Variants in EPHA6 observed in about 807,000 individuals in gnomAD.
EPHA6 encodes the protein ephrin type-A receptor 6.
A neutral mutation model predicts 112.0 loss-of-function variants in EPHA6; 50 were observed. The observed-to-expected ratio is 0.45, with a 90% confidence interval of 0.36 to 0.56. EPHA6 has a LOEUF of 0.56. EPHA6 is among the 20% of genes least tolerant of loss of function. The probability of loss-of-function intolerance (pLI) is 0.00; values close to 1 mark genes in which losing one functional copy is unlikely to be tolerated. For synonymous variants in EPHA6, 529 were observed against 490.7 expected (o/e 1.08, Z -1.03); for missense variants, 1,280 against 1,417.4 (o/e 0.90, Z 1.56).
chr3:96,975,385 T>C (rs1329994708), intron 2 of EPHA6, among the ~76,000 whole-genome samples: 3 of 152,134 alleles, frequency 2.0e-5, no homozygotes, highest in African/African-American at 2.4e-5. Flanking sequence ...GGTCTTAACG[T>C]CATAGAATAC....
intron 6 of EPHA6, among the ~76,000 whole-genome samples, chr3:97,437,949 ATTG>A (rs1260935271): frequency 2.6e-5 from 4 of 152,030 alleles, no homozygotes; most frequent in Non-Finnish European, 5.9e-5. Flanking sequence ...CTATCCGTAT[ATTG>A]TTATTACCAA....
At chr3:96,962,941 C>T (rs965999901) in intron 2 of EPHA6, among the ~76,000 whole-genome samples, 12 of 151,980 alleles carry the variant, frequency 7.9e-5, no homozygotes, top group African/African-American at 2.4e-4. Context: ...ATCGCTTGAG[C>T]CCAGGAGTTT....
chr3:97,170,729 G>A (rs1378389614), intron 3 of EPHA6, among the ~76,000 whole-genome samples: 3 of 148,920 alleles, frequency 2.0e-5, no homozygotes, highest in South Asian at 2.1e-4. Context: ...AGAGCGAGCC[G>A]ATGTCTCAAA....
intron 2 of EPHA6, among the ~76,000 whole-genome samples, chr3:96,914,089 A>T (rs2039369109): frequency 6.6e-6 from 1 of 152,148 alleles, no homozygotes; most frequent in Non-Finnish European, 1.5e-5. Flanking sequence ...GATCTCTTGT[A>T]CTCCAGAAGC....
chr3:97,426,422 C>G (rs1231065266), intron 6 of EPHA6, among the ~76,000 whole-genome samples: 1 of 152,160 alleles, frequency 6.6e-6, no homozygotes, highest in Non-Finnish European at 1.5e-5. Context: ...GAACCACCCC[C>G]ATAATTCAAT....
At chr3:97,046,397 G>T (rs549687196) in intron 3 of EPHA6, among the ~76,000 whole-genome samples, 2 of 152,152 alleles carry the variant, frequency 1.3e-5, no homozygotes, top group East Asian at 3.9e-4. Context: ...TGTTGGCAAA[G>T]TAAAAATAGA....
Position 96,975,072 on chromosome 3 carries a change from C to T in EPHA6, c.451-12258C>T, listed in dbSNP as rs571216768. 3.9e-5 allele frequency among the ~76,000 whole-genome samples: 6 copies of T among 152,018 alleles called. No homozygotes were observed. In the East Asian group the frequency reaches 9.7e-4, roughly 25 times the overall value. The stretch of plus-strand genomic sequence containing the variant: ...TAGGGTTTCTGAGGGAAAGACAGGG[C>T]GGAGCAAAGCAAACACTTTGGTGTT... On this transcript the variant is annotated intron_variant, in intron 2 of 17. Transcript: ENST00000389672.
chr3:97,416,067 T>C (rs1161436900), intron 6 of EPHA6, among the ~76,000 whole-genome samples: 1 of 152,038 alleles, frequency 6.6e-6, no homozygotes, highest in African/African-American at 2.4e-5. Flanking sequence ...CATATAAAAA[T>C]CTAAAACACC....
chr3:97,579,160 A>G (rs1044304697), intron 11 of EPHA6, among the ~76,000 whole-genome samples: 1 of 152,216 alleles, frequency 6.6e-6, no homozygotes, highest in Admixed American at 6.5e-5. Flanking sequence ...GATTATAATT[A>G]AGCAATAATA....
intron 11 of EPHA6, among the ~76,000 whole-genome samples, chr3:97,539,257 C>T (rs1469821633): frequency 6.6e-6 from 1 of 151,420 alleles, no homozygotes; most frequent in Non-Finnish European, 1.5e-5. Context: ...AAGCAATTCT[C>T]CTGCGGCAGC....
In EPHA6 at chr3:97,749,354, T is replaced by C. The variant is rs2035838402; in HGVS notation, c.*653T>C. The C allele has an allele frequency of 4.8e-6, 1 of 208,546 alleles. No individual in the cohort carries two copies. Among genetic ancestry groups the C allele is most frequent in the South Asian group, 1.9e-4 (1 of 5,328 alleles). 12.9% of individuals were successfully genotyped at this position (208,546 alleles called of 1,614,324 possible). A position where few individuals can be genotyped will look rare whatever the true frequency, so the allele number is the denominator to read the frequency against. On this transcript the variant is annotated 3_prime_UTR_variant, in exon 18 of 18. Coordinates refer to ENST00000389672, the MANE Select transcript of EPHA6 (RefSeq NM_001080448.3). Reference sequence around the variant, plus strand: ...TATAAATCTTCTGAGGCTGGGTTTGTCAATTTTTTAAAAATTAACTTTATA... The same window carrying C: ...TATAAATCTTCTGAGGCTGGGTTTGCCAATTTTTTAAAAATTAACTTTATA...
chr3:97,514,774 C>A (rs1484279692), intron 10 of EPHA6, among the ~76,000 whole-genome samples: 1 of 152,132 alleles, frequency 6.6e-6, no homozygotes, highest in Non-Finnish European at 1.5e-5. Flanking sequence ...CCCTCTCTCT[C>A]CACACTCATG....
chr3:97,327,979 G>A (rs1559887811), intron 5 of EPHA6, among the ~76,000 whole-genome samples: 10 of 130,748 alleles, frequency 7.6e-5, no homozygotes, highest in African/African-American at 2.2e-4. Context: ...ATGTATATGT[G>A]CATATATATG....
intron 14 of EPHA6, among the ~76,000 whole-genome samples, chr3:97,717,774 C>T (rs1314229777): frequency 6.6e-6 from 1 of 152,092 alleles, no homozygotes; most frequent in African/African-American, 2.4e-5. Context: ...TTCTGTAATA[C>T]CTTCCCCTTA....
chr3:96,990,560 T>C (rs911714490), intron 3 of EPHA6, among the ~76,000 whole-genome samples: 3 of 152,122 alleles, frequency 2.0e-5, no homozygotes, highest in Admixed American at 1.3e-4. Context: ...AAAGATGAAA[T>C]ACATGTAAAA....
chr3:97,330,728 G>A (rs1296973076), intron 5 of EPHA6, among the ~76,000 whole-genome samples: 2 of 152,050 alleles, frequency 1.3e-5, no homozygotes, highest in African/African-American at 4.8e-5. Context: ...CAATACAGGA[G>A]CACCCAGATT....
intron 5 of EPHA6, among the ~76,000 whole-genome samples, chr3:97,257,768 A>G (rs2079365754): frequency 6.6e-6 from 1 of 152,008 alleles, no homozygotes; most frequent in Admixed American, 6.6e-5. Flanking sequence ...ATCCTAAATG[A>G]CCAACAGTAA....
At position 96,814,597 on chromosome 3, in the gene EPHA6, C is replaced by A. The variant is rs914749677; in HGVS notation, c.-27C>A. On this transcript the variant is annotated 5_prime_UTR_variant, in exon 1 of 18. Transcript: ENST00000389672. ...GCTCTCTCCGGCCCAAGTGAATAGT[C>A]CTCGCGCAAGCGGGACACTGTGGTG... 3.8e-6 allele frequency: 5 copies of A among 1,308,400 alleles called. No homozygotes were observed. Among genetic ancestry groups the A allele is most frequent in the East Asian group, 3.0e-5 (1 of 33,194 alleles). The allele number at this position is 1,308,400 out of a possible 1,614,324, so 81.0% of individuals were successfully genotyped here. A position where few individuals can be genotyped will look rare whatever the true frequency, so the allele number is the denominator to read the frequency against.
rs184736955 is a variant in EPHA6, at chr3:97,591,427, G to A, written c.2387-1185G>A. Among the ~76,000 whole-genome samples the A allele has an allele frequency of 3.9e-5, 6 of 152,258 alleles. No individual in the cohort carries two copies. The East Asian group carries it at 1.2e-3, about 29-fold the overall frequency. On this transcript the variant is annotated intron_variant, in intron 11 of 17. Coordinates refer to ENST00000389672, the MANE Select transcript of EPHA6 (RefSeq NM_001080448.3). The stretch of plus-strand genomic sequence containing the variant: ...AAAGTGAGGTCTCTTCGCAAACACA[G>A]AACTTGCTAAATCTGAGCATGAAAG...
Sources: allele counts gnomAD v4.1 joint callset (sites outside exome capture counted in the v4.1 genomes callset), GRCh38; gene constraint gnomAD v4.1.1; transcripts MANE v1.5; gene names NCBI Gene and HGNC (gene_info 2026-07-23, HGNC 2026-07-21).